The following LRIG1 variants were observed in gnomAD, a reference collection of about 807,000 sequenced individuals.
LRIG1 encodes the protein leucine-rich repeats and immunoglobulin-like domains protein 1.
Under a neutral mutation model 99.2 loss-of-function variants are expected in LRIG1, and 48 were observed. The observed-to-expected ratio is 0.48, with a 90% CI of 0.38 to 0.62. The LOEUF (loss-of-function observed/expected upper bound fraction) is 0.62. LRIG1 is among the 20% of genes least tolerant of loss of function. LRIG1 has a pLI of 0.00. For missense variants in LRIG1, 1,646 were observed against 1,434.4 expected (o/e 1.15, Z -2.38); for synonymous variants, 772 against 596.1 (o/e 1.29, Z -4.30).
At chr3:66,467,388 T>G (rs1466200716) in intron 1 of LRIG1, among the ~76,000 whole-genome samples, 1 of 137,718 alleles carries the variant, frequency 7.3e-6, no homozygotes, top group Non-Finnish European at 1.5e-5. Context: ...TGAGATGGAG[T>G]CTCGCTCTGT....
chr3:66,396,726 C>T (rs998061137), intron 11 of LRIG1, among the ~76,000 whole-genome samples: 10 of 152,208 alleles, frequency 6.6e-5, no homozygotes, highest in Admixed American at 4.6e-4. Flanking sequence ...ACCTTCTTCC[C>T]GTTTAAATTG....
chr3:66,485,979 G>A (rs541841992), intron 1 of LRIG1, among the ~76,000 whole-genome samples: 33 of 152,104 alleles, frequency 2.2e-4, no homozygotes, highest in Non-Finnish European at 3.5e-4. Flanking sequence ...TAGTCTTACC[G>A]TATTTTCTTC....
intron 7 of LRIG1, among the ~76,000 whole-genome samples, chr3:66,407,739 G>T (rs547992260): frequency 2.0e-5 from 3 of 152,314 alleles, no homozygotes; most frequent in East Asian, 1.9e-4. Flanking sequence ...GGTCACAGGG[G>T]CCAGGGTGGC....
intron 1 of LRIG1, among the ~76,000 whole-genome samples, chr3:66,473,388 C>A (rs974209340): frequency 6.6e-6 from 1 of 152,186 alleles, no homozygotes; most frequent in Admixed American, 6.5e-5. Flanking sequence ...AACTTACACA[C>A]GTCCTTTATT....
chr3:66,488,862 T>G lies in LRIG1; in HGVS notation c.218+11328A>C, dbSNP rs140067523. ...TCTCAGCATCATTTACAACTTCACT[T>G]ATGGCAAGTATTCACTGAAGGACTG... On this transcript the variant is annotated intron_variant, in intron 1 of 18. Coordinates refer to ENST00000273261, the MANE Select transcript of LRIG1 (RefSeq NM_015541.3). 7.8e-3 allele frequency among the ~76,000 whole-genome samples: 1,184 copies of G among 152,306 alleles called. 22 individuals are homozygous for G. Among genetic ancestry groups the G allele is most frequent in the Admixed American group, 0.038 (583 of 15,302 alleles).
intron 2 of LRIG1, among the ~76,000 whole-genome samples, chr3:66,459,063 G>C (rs1384371980): frequency 6.6e-6 from 1 of 152,060 alleles, no homozygotes; most frequent in African/African-American, 2.4e-5. Flanking sequence ...TTGATGTTAG[G>C]GTTAAGTGAT....
At chr3:66,459,254 G>A (rs1180884226) in intron 2 of LRIG1, among the ~76,000 whole-genome samples, 1 of 152,150 alleles carries the variant, frequency 6.6e-6, no homozygotes, top group Non-Finnish European at 1.5e-5. Context: ...TGCAGGTCAC[G>A]GGAGCCAAAT....
At chr3:66,407,234 G>C (rs1702300647) in intron 8 of LRIG1, 114 bp downstream of exon 8, 1 of 1,122,422 alleles carries the variant, frequency 8.9e-7, no homozygotes, top group Non-Finnish European at 1.3e-6. Flanking sequence ...GCCAGCTTTG[G>C]ATCCAATTCT....
rs1474710006 is a variant in LRIG1 at position 66,457,581 on chromosome 3, T to C, written c.290+4857A>G. Among the ~76,000 whole-genome samples, 6 of 152,216 alleles carry C rather than the reference T, an allele frequency of 3.9e-5. No individual in the cohort carries two copies. In the East Asian group the frequency reaches 1.2e-3, roughly 29 times the overall value. ...TAATATTCAGTGAGCCTCTCGCATGTGCAAGGCCCTGTGCATCATCTTAAT... is the reference window on the plus strand; with the variant it reads ...TAATATTCAGTGAGCCTCTCGCATGCGCAAGGCCCTGTGCATCATCTTAAT... On this transcript the variant is annotated intron_variant, in intron 2 of 18. Transcript: ENST00000273261.
In LRIG1 at chr3:66,500,376, G is replaced by A; in HGVS notation, c.32C>T (p.Ala11Val). 1 of 1,470,394 alleles carries A rather than the reference G, an allele frequency of 6.8e-7. No homozygotes were observed. Among genetic ancestry groups the A allele is most frequent in the South Asian group, 1.3e-5 (1 of 75,168 alleles). The allele number at this position is 1,470,394 out of a possible 1,614,324, so 91.1% of individuals were successfully genotyped here. ...GAGAAGGCAAGGCGAGCGGCGCGGG[G>A]CCCCGAGCCCTCCCCGGACCGGCCG... The part of the protein sequence containing the change: MARPVRGGLG[A>V]PRRSPCLLLL... Residue 11 changes from alanine to valine, a missense_variant, in exon 1 of 19, where the codon GCC (alanine) becomes GTC (valine). Transcript: ENST00000273261.
intron 1 of LRIG1, 51 bp downstream of exon 1, chr3:66,500,139 C>G: frequency 7.0e-7 from 1 of 1,435,290 alleles, no homozygotes. Context: ...CGCTCCATCC[C>G]CAAGTGACAG....
intron 2 of LRIG1, 131 bp from the exon 3 acceptor site, chr3:66,451,764 G>C (rs902749939): frequency 1.5e-6 from 1 of 666,592 alleles, no homozygotes; most frequent in Non-Finnish European, 2.5e-6. Context: ...GGAGAAAAGA[G>C]AAAGAATTTA....
intron 16 of LRIG1, 37 bp downstream of exon 16, chr3:66,382,236 A>G (rs199624664): frequency 1.2e-6 from 2 of 1,610,940 alleles, no homozygotes; most frequent in East Asian, 4.5e-5. Flanking sequence ...AGACACAGTC[A>G]CAGCAGAGCT....
chr3:66,444,886 T>C lies in LRIG1; in HGVS notation c.365+6673A>G, dbSNP rs73833496. Among the ~76,000 whole-genome samples, 335 of 94,628 alleles carry C rather than the reference T, an allele frequency of 3.5e-3. 1 individual carries two copies. Among genetic ancestry groups the C allele is most frequent in the African/African-American group, 1.0e-2 (262 of 26,246 alleles). 62.1% of individuals were successfully genotyped at this position (94,628 alleles called of 152,430 possible). A position where few individuals can be genotyped will look rare whatever the true frequency, so the allele number is the denominator to read the frequency against. ...TTAGATAATTATATATATATATATA[T>C]ACACACACACATATCTGTATCTATC... On this transcript the variant is annotated intron_variant, in intron 3 of 18. Transcript: ENST00000273261.
At chr3:66,431,525 G>A (rs1045851387) in intron 3 of LRIG1, among the ~76,000 whole-genome samples, 6 of 152,160 alleles carry the variant, frequency 3.9e-5, no homozygotes, top group Non-Finnish European at 8.8e-5. Flanking sequence ...CCGAGCCCAG[G>A]GGTGTGAAAT....
At chr3:66,399,503 T>A (rs1701978130) in intron 9 of LRIG1, among the ~76,000 whole-genome samples, 1 of 152,188 alleles carries the variant, frequency 6.6e-6, no homozygotes, top group Non-Finnish European at 1.5e-5. Context: ...CTGGGCATGG[T>A]GGCTCACACC....
At chr3:66,491,611 A>T (rs1701103141) in intron 1 of LRIG1, among the ~76,000 whole-genome samples, 1 of 152,242 alleles carries the variant, frequency 6.6e-6, no homozygotes, top group Admixed American at 6.5e-5. Context: ...AAAACTTCCA[A>T]TTTCTTAAAA....
At position 66,398,199 on chromosome 3, in the gene LRIG1, C is replaced by A. The variant is rs748347175; in HGVS notation, c.1233-16G>T. On this transcript the variant is annotated splice_polypyrimidine_tract_variant and intron_variant, in intron 10 of 18. Transcript: ENST00000273261. Reference sequence around the variant, plus strand: ...TCCAAGGTTCCTGAAACAGAACATACATTACTTATGCAAAGAAACCCTAGG... The same window carrying A: ...TCCAAGGTTCCTGAAACAGAACATAAATTACTTATGCAAAGAAACCCTAGG... The A allele has an allele frequency of 1.2e-6, 2 of 1,608,180 alleles. No individual in the cohort carries two copies. The highest frequency in any genetic ancestry group is 1.7e-6 in the Non-Finnish European group (2 of 1,174,674).
chr3:66,484,995 A>C (rs894658477), intron 1 of LRIG1, among the ~76,000 whole-genome samples: 7 of 151,896 alleles, frequency 4.6e-5, no homozygotes, highest in Admixed American at 6.6e-5. Flanking sequence ...CTCTACCCCC[A>C]AAAAATACAA....
Sources: allele counts gnomAD v4.1 joint callset (sites outside exome capture counted in the v4.1 genomes callset), GRCh38; gene constraint gnomAD v4.1.1; transcripts MANE v1.5; gene names NCBI Gene and HGNC (gene_info 2026-07-23, HGNC 2026-07-21).